The following GNA12 variants were observed in gnomAD, a reference collection of about 807,000 sequenced individuals.
GNA12 encodes guanine nucleotide-binding protein subunit alpha-12.
A neutral mutation model predicts 26.0 loss-of-function variants in GNA12; 9 were observed. The observed-to-expected ratio is 0.35, with a 90% CI of 0.21 to 0.60. GNA12 has a LOEUF of 0.60. Ranked by LOEUF, GNA12 falls within the 20% of genes least tolerant of loss-of-function variation. The probability of loss-of-function intolerance (pLI) is 0.78; values close to 1 mark genes in which losing one functional copy is unlikely to be tolerated. For missense variants in GNA12, 405 were observed against 525.8 expected (o/e 0.77, Z 2.25); for synonymous variants, 264 against 219.6 (o/e 1.20, Z -1.79).
intron 3 of GNA12, among the ~76,000 whole-genome samples, chr7:2,732,819 G>T (rs1317407435): frequency 6.6e-6 from 1 of 152,200 alleles, no homozygotes; most frequent in Non-Finnish European, 1.5e-5. Context: ...AAAAAAAGGA[G>T]AGACATACAG....
At chr7:2,824,280 G>A (rs372613534) in intron 1 of GNA12, among the ~76,000 whole-genome samples, 1 of 152,076 alleles carries the variant, frequency 6.6e-6, no homozygotes, top group Non-Finnish European at 1.5e-5. Flanking sequence ...AAATCCTCAG[G>A]GACAAAGAGC....
intron 1 of GNA12, among the ~76,000 whole-genome samples, chr7:2,827,474 A>G (rs756226019): frequency 2.6e-5 from 4 of 152,216 alleles, no homozygotes; most frequent in Non-Finnish European, 4.4e-5. Flanking sequence ...GAAGTCTGTG[A>G]TGTCGCGTGA....
intron 2 of GNA12, among the ~76,000 whole-genome samples, chr7:2,786,740 G>A (rs942909428): frequency 2.6e-4 from 39 of 152,134 alleles, no homozygotes; most frequent in African/African-American, 8.4e-4. Context: ...AGCACAGACC[G>A]GGACTGATGC....
intron 1 of GNA12, among the ~76,000 whole-genome samples, chr7:2,802,949 C>T (rs1057483455): frequency 3.9e-5 from 6 of 152,210 alleles, no homozygotes; most frequent in African/African-American, 1.4e-4. Context: ...CTGGCCCCAC[C>T]ATAACTCCGC....
intron 2 of GNA12, among the ~76,000 whole-genome samples, chr7:2,782,890 T>C (rs892111769): frequency 6.6e-6 from 1 of 152,234 alleles, no homozygotes; most frequent in Non-Finnish European, 1.5e-5. Context: ...TTTCTTCTAG[T>C]TTACTAATAC....
intron 1 of GNA12, among the ~76,000 whole-genome samples, chr7:2,840,110 GACT>G (rs924428867): frequency 6.6e-6 from 1 of 152,172 alleles, no homozygotes; most frequent in Non-Finnish European, 1.5e-5. Context: ...TCTGTATCGT[GACT>G]GTATCGACGT....
chr7:2,809,874 T>C (rs1034939523), intron 1 of GNA12, among the ~76,000 whole-genome samples: 40 of 152,364 alleles, frequency 2.6e-4, no homozygotes, highest in African/African-American at 8.7e-4. Flanking sequence ...TAATAAATAT[T>C]ACTTTGTAAT....
intron 1 of GNA12, among the ~76,000 whole-genome samples, chr7:2,813,417 C>T (rs1793133235): frequency 6.6e-6 from 1 of 152,182 alleles, no homozygotes; most frequent in Admixed American, 6.5e-5. Context: ...CTCCTACCTC[C>T]CCTTCCCCAG....
intron 2 of GNA12, among the ~76,000 whole-genome samples, chr7:2,736,160 T>C (rs798523): frequency 0.59 from 89,720 of 152,072 alleles, 26,702 homozygotes; most frequent in Admixed American, 0.63. Flanking sequence ...TTAGAGAAAA[T>C]GCATGTGGCA....
Position 2,737,274 on chromosome 7 carries a change from G to GTTTTGTTTTGTTT in GNA12, c.526-3774_526-3773insAAACAAAACAAAA, listed in dbSNP as rs1790242698. Among the ~76,000 whole-genome samples the GTTTTGTTTTGTTT allele has an allele frequency of 2.1e-3, 73 of 35,018 alleles. 3 individuals carry two copies. Among genetic ancestry groups the GTTTTGTTTTGTTT allele is most frequent in the African/African-American group, 6.9e-3 (70 of 10,116 alleles). 23.0% of individuals were successfully genotyped at this position (35,018 alleles called of 152,430 possible). On this transcript the variant is annotated intron_variant, in intron 2 of 3. Coordinates refer to ENST00000275364, the MANE Select transcript of GNA12 (RefSeq NM_007353.3). ...AGGAGCTATCTCACAGTTTTGTTTT[G>GTTTTGTTTTGTTT]TTTTTTTTTTTTTTGTTTTTTTTTT...
At position 2,750,696 on chromosome 7, in the gene GNA12, G is replaced by A. The variant is rs987706646; in HGVS notation, c.526-17195C>T. Among the ~76,000 whole-genome samples the A allele has an allele frequency of 6.6e-5, 10 of 152,332 alleles. No individual in the cohort carries two copies. The South Asian group carries it at 2.1e-3, about 32-fold the overall frequency. On this transcript the variant is annotated intron_variant, in intron 2 of 3. Coordinates refer to ENST00000275364, the MANE Select transcript of GNA12 (RefSeq NM_007353.3). Reference sequence around the variant, plus strand: ...CATGGAAGGTGAAGCCACGGACACGGGGGACTATTGGACAGGCATGTTAAC... The same window carrying A: ...CATGGAAGGTGAAGCCACGGACACGAGGGACTATTGGACAGGCATGTTAAC...
chr7:2,739,170 T>A (rs1790371587), intron 2 of GNA12, among the ~76,000 whole-genome samples: 1 of 152,250 alleles, frequency 6.6e-6, no homozygotes, highest in East Asian at 1.9e-4. Context: ...ATGTTTTCAT[T>A]AGGTAAGATC....
At chr7:2,838,859 T>C (rs1166146168) in intron 1 of GNA12, among the ~76,000 whole-genome samples, 1 of 152,172 alleles carries the variant, frequency 6.6e-6, no homozygotes, top group Non-Finnish European at 1.5e-5. Flanking sequence ...CCTAAACATT[T>C]ATGCACCACA....
At chr7:2,787,516 C>A (rs769699084) in intron 2 of GNA12, among the ~76,000 whole-genome samples, 6 of 152,214 alleles carry the variant, frequency 3.9e-5, no homozygotes, top group Non-Finnish European at 7.3e-5. Flanking sequence ...GCTTGCCATT[C>A]TTCCAGCTAC....
intron 2 of GNA12, among the ~76,000 whole-genome samples, chr7:2,789,130 A>ATTTTTTTTTT (rs1583283001): frequency 1.3e-5 from 1 of 74,160 alleles, no homozygotes; most frequent in Non-Finnish European, 2.9e-5. Flanking sequence ...CCCTTCAGGC[A>ATTTTTTTTTT]TCTTTTTTTT....
In GNA12 at chr7:2,731,786, A is replaced by G. The variant is rs750171093; in HGVS notation, c.577-36T>C. ...CAGGATGAGGCAGAAATTTAGGGGGAGGAAGAAAGAACAGAGAAAATAGAA... is the reference window on the plus strand; with the variant it reads ...CAGGATGAGGCAGAAATTTAGGGGGGGGAAGAAAGAACAGAGAAAATAGAA... On this transcript the variant is annotated intron_variant, in intron 3 of 3. Transcript: ENST00000275364. This position sits in a 1 kb window ranked among gnomAD's most constrained non-coding sequence, Gnocchi z 6.0. 6.4e-6 allele frequency: 7 copies of G among 1,091,462 alleles called. No homozygotes were observed. The Admixed American group carries it at 9.9e-5, about 15-fold the overall frequency. 67.6% of individuals were successfully genotyped at this position (1,091,462 alleles called of 1,614,324 possible). A position where few individuals can be genotyped will look rare whatever the true frequency, so the allele number is the denominator to read the frequency against.
At chr7:2,762,260 T>C (rs1299409920) in intron 2 of GNA12, 1 of 214,546 alleles carries the variant, frequency 4.7e-6, no homozygotes, top group African/African-American at 2.3e-5. Flanking sequence ...CACCCTGACT[T>C]AGGGTCGTCA....
chr7:2,821,122 C>T (rs781768482), intron 1 of GNA12, among the ~76,000 whole-genome samples: 13 of 152,192 alleles, frequency 8.5e-5, no homozygotes, highest in Non-Finnish European at 1.6e-4. Context: ...GTGAAAGATG[C>T]CAATCAATTA....
chr7:2,748,047 G>A (rs1241461925), intron 2 of GNA12, among the ~76,000 whole-genome samples: 2 of 150,460 alleles, frequency 1.3e-5, no homozygotes, highest in Middle Eastern at 3.2e-3. Flanking sequence ...ATGCTCATGG[G>A]TAGGAAGAAT....
Sources: gnomAD v4.1 joint callset for allele counts (sites outside exome capture counted in the v4.1 genomes callset) on GRCh38, gnomAD v4.1.1 for gene constraint, Gnocchi (gnomAD v3.1) non-coding constraint, MANE v1.5 for transcripts, NCBI Gene and HGNC (gene_info 2026-07-23, HGNC 2026-07-21) for gene names.